The following NKAIN2 variants were observed in gnomAD, a reference collection of about 807,000 sequenced individuals.
The protein encoded by NKAIN2 is sodium/potassium-transporting ATPase subunit beta-1-interacting protein 2.
In NKAIN2, 14 loss-of-function variants were observed where a neutral mutation model predicts 32.6. That is an observed-to-expected ratio of 0.43 (90% CI 0.28 to 0.67). NKAIN2 has a LOEUF of 0.67. Among genes scored for constraint, NKAIN2 ranks in the 30% least tolerant of loss-of-function variants. The probability of loss-of-function intolerance (pLI) is 0.17; values close to 1 mark genes in which losing one functional copy is unlikely to be tolerated. For missense variants in NKAIN2, 198 were observed against 258.3 expected, an observed-to-expected ratio of 0.77 and a Z score of 1.60; for synonymous variants, 80 against 87.2, an observed-to-expected ratio of 0.92 and a Z score of 0.46.
chr6:124,631,811 A>T (rs1403743644), intron 3 of NKAIN2, among the ~76,000 whole-genome samples: 1 of 152,124 alleles, frequency 6.6e-6, no homozygotes, highest in East Asian at 1.9e-4. Context: ...GAGGTTCCCC[A>T]TTTAACATAA....
intron 1 of NKAIN2, 60 bp from the exon 2 acceptor site, chr6:124,282,945 C>T: frequency 1.4e-6 from 2 of 1,466,104 alleles, no homozygotes; most frequent in African/African-American, 1.4e-5. Context: ...ATCCTTTTTT[C>T]CTCTCACCAC....
chr6:124,229,948 T>C (rs1014111447), intron 1 of NKAIN2, among the ~76,000 whole-genome samples: 2 of 152,024 alleles, frequency 1.3e-5, no homozygotes, highest in African/African-American at 4.8e-5. Flanking sequence ...TGAAAAGATA[T>C]CCAAAAATGT....
chr6:124,126,635 C>T (rs1229458265), intron 1 of NKAIN2, among the ~76,000 whole-genome samples: 1 of 152,132 alleles, frequency 6.6e-6, no homozygotes, highest in East Asian at 1.9e-4. Flanking sequence ...TACAGAGAGA[C>T]AAATAGCTGG....
intron 1 of NKAIN2, among the ~76,000 whole-genome samples, chr6:124,170,883 C>T (rs1016485817): frequency 5.9e-5 from 9 of 152,066 alleles, no homozygotes; most frequent in Admixed American, 5.9e-4. Context: ...CAAAATTTAT[C>T]ACATTTGACT....
intron 3 of NKAIN2, among the ~76,000 whole-genome samples, chr6:124,458,540 A>G (rs972133158): frequency 5.3e-5 from 8 of 151,882 alleles, no homozygotes; most frequent in Non-Finnish European, 8.8e-5. Context: ...TCATATCTAT[A>G]CCATACTTAC....
intron 2 of NKAIN2, among the ~76,000 whole-genome samples, chr6:124,325,799 A>G (rs1797386675): frequency 6.6e-6 from 1 of 152,106 alleles, no homozygotes; most frequent in Non-Finnish European, 1.5e-5. Flanking sequence ...ATGGGTTTAT[A>G]TAATTGTTAA....
chr6:124,196,896 A>G (rs1790342746), intron 1 of NKAIN2, among the ~76,000 whole-genome samples: 1 of 151,924 alleles, frequency 6.6e-6, no homozygotes, highest in African/African-American at 2.4e-5. Flanking sequence ...ATAAAGATTA[A>G]TAAGGAAGAA....
chr6:124,725,513 G>T (rs944610057), intron 4 of NKAIN2, among the ~76,000 whole-genome samples: 1 of 152,154 alleles, frequency 6.6e-6, no homozygotes, highest in Non-Finnish European at 1.5e-5. Flanking sequence ...AGAATCTTTA[G>T]TTTTTCCTGT....
chr6:124,740,596 CA>C (rs1777160790), intron 4 of NKAIN2, among the ~76,000 whole-genome samples: 1 of 151,698 alleles, frequency 6.6e-6, no homozygotes, highest in Non-Finnish European at 1.5e-5. Flanking sequence ...ACATTTGTGC[CA>C]GGACTTAAAT....
At chr6:124,751,918 G>C (rs1231829788) in intron 4 of NKAIN2, among the ~76,000 whole-genome samples, 1 of 151,942 alleles carries the variant, frequency 6.6e-6, no homozygotes, top group African/African-American at 2.4e-5. Flanking sequence ...GGAAATTGAG[G>C]CTGCAGTGAG....
intron 3 of NKAIN2, among the ~76,000 whole-genome samples, chr6:124,525,392 A>G (rs566755645): frequency 4.3e-4 from 65 of 152,262 alleles, no homozygotes; most frequent in Non-Finnish European, 6.8e-4. Context: ...TGAGTGCAGT[A>G]CTTGCGATTT....
intron 1 of NKAIN2, among the ~76,000 whole-genome samples, chr6:124,172,109 G>A (rs1788924026): frequency 6.6e-6 from 1 of 152,146 alleles, no homozygotes; most frequent in Non-Finnish European, 1.5e-5. Context: ...ACTGTGCCCA[G>A]CCCCCAATTT....
chr6:123,961,072 G>A (rs1777824752), intron 1 of NKAIN2, among the ~76,000 whole-genome samples: 1 of 152,096 alleles, frequency 6.6e-6, no homozygotes, highest in Non-Finnish European at 1.5e-5. Flanking sequence ...ATGCCTATGT[G>A]TGTCTTTCCC....
chr6:124,597,649 G>T (rs572317583), intron 3 of NKAIN2, among the ~76,000 whole-genome samples: 18 of 152,156 alleles, frequency 1.2e-4, no homozygotes, highest in African/African-American at 4.1e-4. Context: ...AAAGTTATAG[G>T]ATTCTTTAAC....
At chr6:124,502,970 T>A (rs534825873) in intron 3 of NKAIN2, among the ~76,000 whole-genome samples, 1 of 152,268 alleles carries the variant, frequency 6.6e-6, no homozygotes, top group Admixed American at 6.5e-5. Flanking sequence ...TTTAGAATCA[T>A]CTTGCCTGAA....
chr6:123,807,092 T>G (rs1347518494), intron 1 of NKAIN2, among the ~76,000 whole-genome samples: 2 of 152,030 alleles, frequency 1.3e-5, no homozygotes, highest in Non-Finnish European at 2.9e-5. Context: ...TATCTGTGCT[T>G]TAAATTAGTT....
intron 5 of NKAIN2, among the ~76,000 whole-genome samples, chr6:124,799,935 G>A (rs1024722894): frequency 3.3e-5 from 5 of 152,084 alleles, no homozygotes; most frequent in Admixed American, 6.5e-5. Flanking sequence ...CATGGATAAT[G>A]GCATGAGAAA....
intron 1 of NKAIN2, among the ~76,000 whole-genome samples, chr6:124,158,566 G>C (rs1193779097): frequency 6.6e-6 from 1 of 152,088 alleles, no homozygotes; most frequent in Non-Finnish European, 1.5e-5. Flanking sequence ...GCAATGAGGT[G>C]GAAGAAGTTT....
chr6:124,334,148 T>C (rs1264869033), intron 2 of NKAIN2, among the ~76,000 whole-genome samples: 1 of 152,224 alleles, frequency 6.6e-6, no homozygotes, highest in Non-Finnish European at 1.5e-5. Context: ...TCTGTAACAC[T>C]GAATCAATAT....
Sources: gnomAD v4.1 joint callset for allele counts (sites outside exome capture counted in the v4.1 genomes callset) on GRCh38, gnomAD v4.1.1 for gene constraint, MANE v1.5 for transcripts, NCBI Gene and HGNC (gene_info 2026-07-23, HGNC 2026-07-21) for gene names.